The following EPG5 variants were observed in gnomAD, a reference collection of about 807,000 sequenced individuals.
The protein encoded by EPG5 is ectopic P-granules 5 autophagy tethering factor.
EPG5 carries 159 observed loss-of-function variants against 302.7 expected under a neutral mutation model. That is an observed-to-expected ratio of 0.53 (90% CI 0.46 to 0.60). The LOEUF (loss-of-function observed/expected upper bound fraction) is 0.60. Ranked by LOEUF, EPG5 falls within the 20% of genes least tolerant of loss-of-function variation. EPG5 has a pLI of 0.00. For synonymous variants in EPG5, 1,158 were observed against 1,136.8 expected, an observed-to-expected ratio of 1.02 and a Z score of -0.37; for missense variants, 2,896 against 3,092.4, an observed-to-expected ratio of 0.94 and a Z score of 1.51.
rs140981196 is a variant in EPG5, at chr18:45,913,979, C to T, written c.3694-151G>A. 868 of 841,050 alleles carry T rather than the reference C, an allele frequency of 1.0e-3. 1 individual carries two copies. The African/African-American group carries it at 0.013, about 12-fold the overall frequency. 52.1% of individuals were successfully genotyped at this position (841,050 alleles called of 1,614,324 possible). A position where few individuals can be genotyped will look rare whatever the true frequency, so the allele number is the denominator to read the frequency against. On this transcript the variant is annotated intron_variant, in intron 20 of 43. Transcript: ENST00000282041. ...TAAAATTAACACCTTTTTATACCTACCTATATCCTTGTCGCAGATATAAAT... is the reference window on the plus strand; with the variant it reads ...TAAAATTAACACCTTTTTATACCTATCTATATCCTTGTCGCAGATATAAAT...
chr18:45,806,864 T>G, the EPG5 span, among the ~76,000 whole-genome samples: 1 of 152,148 alleles, frequency 6.6e-6, no homozygotes, highest in East Asian at 1.9e-4. Context: ...AGAACTCTCC[T>G]GGTCAGAACT....
the EPG5 span, among the ~76,000 whole-genome samples, chr18:45,827,896 A>T: frequency 1.3e-5 from 2 of 152,212 alleles, no homozygotes; most frequent in African/African-American, 4.8e-5. Flanking sequence ...ATGTTCAAAA[A>T]CAAACGCCAA....
chr18:45,955,482 G>C (rs1210746209), intron 1 of EPG5, 144 bp from the exon 2 acceptor site: 5 of 601,560 alleles, frequency 8.3e-6, no homozygotes, highest in Non-Finnish European at 1.4e-5. Context: ...TTTTTGAACA[G>C]ATATGAACAA....
chr18:45,910,366 C>T (rs556157673), intron 23 of EPG5, among the ~76,000 whole-genome samples, 155 bp downstream of exon 23: 250 of 152,330 alleles, frequency 1.6e-3, no homozygotes, highest in African/African-American at 5.7e-3. Context: ...AAAAGAGAAA[C>T]ATTTCAAGAT....
At chr18:45,860,072 A>T in intron 40 of EPG5, 32 bp downstream of exon 40, 1 of 1,612,998 alleles carries the variant, frequency 6.2e-7, no homozygotes, top group Non-Finnish European at 8.5e-7. Context: ...GAAAAGACCA[A>T]TACAATGGAG....
rs142428797 is a variant in EPG5, at chr18:45,948,396, A to G, written c.1571+107T>C. ...TGCAATGTTAAATTCTAGAATGCCAACACTTCCCTTAGCTGTTCTTCTTTG... is the reference window on the plus strand; with the variant it reads ...TGCAATGTTAAATTCTAGAATGCCAGCACTTCCCTTAGCTGTTCTTCTTTG... On this transcript the variant is annotated intron_variant, in intron 6 of 43. Coordinates refer to ENST00000282041, the MANE Select transcript of EPG5 (RefSeq NM_020964.3). 1.3e-3 allele frequency: 1,166 copies of G among 870,972 alleles called. 9 individuals are homozygous for G. In the African/African-American group the frequency reaches 0.017, roughly 13 times the overall value. 54.0% of individuals were successfully genotyped at this position (870,972 alleles called of 1,614,324 possible). A position where few individuals can be genotyped will look rare whatever the true frequency, so the allele number is the denominator to read the frequency against.
At chr18:45,935,703 CAT>C (rs1433932607) in intron 10 of EPG5, among the ~76,000 whole-genome samples, 2 of 152,182 alleles carry the variant, frequency 1.3e-5, no homozygotes, top group Non-Finnish European at 2.9e-5. Flanking sequence ...CCCACAGACA[CAT>C]GTGCAGTGGG....
chr18:45,966,279 G>A (rs973223833), intron 1 of EPG5, among the ~76,000 whole-genome samples: 5 of 151,682 alleles, frequency 3.3e-5, no homozygotes, highest in Non-Finnish European at 7.4e-5. Context: ...GGGAGGCTGA[G>A]GCAGGAGAAT....
intron 9 of EPG5, 132 bp downstream of exon 9, chr18:45,943,028 GA>G (rs1239516774): frequency 1.2e-6 from 1 of 858,798 alleles, no homozygotes; most frequent in Non-Finnish European, 1.7e-6. Context: ...AGATGGTGAA[GA>G]AAAAAATCTT....
chr18:45,858,180 G>C, intron 41 of EPG5, 112 bp from the exon 42 acceptor site: 1 of 796,612 alleles, frequency 1.3e-6, no homozygotes, highest in South Asian at 1.7e-5. Context: ...TACTTCAAAA[G>C]CACAGGCTAA....
intron 15 of EPG5, 129 bp downstream of exon 15, chr18:45,923,139 T>C: frequency 1.0e-6 from 1 of 992,284 alleles, no homozygotes; most frequent in Non-Finnish European, 1.5e-6. Flanking sequence ...AAGTCAATTA[T>C]AACATCTTAA....
intron 18 of EPG5, 71 bp from the exon 19 acceptor site, chr18:45,916,277 G>T (rs2050030554): frequency 6.5e-7 from 1 of 1,532,556 alleles, no homozygotes; most frequent in African/African-American, 1.4e-5. Flanking sequence ...GCAACAAAAT[G>T]CTATCTACCT....
At chr18:45,938,399 T>C (rs1294126032) in intron 10 of EPG5, among the ~76,000 whole-genome samples, 1 of 151,196 alleles carries the variant, frequency 6.6e-6, no homozygotes, top group Non-Finnish European at 1.5e-5. Flanking sequence ...GACACAGAGG[T>C]TGCAGTGAGC....
rs756064897 is a variant in EPG5, at chr18:45,915,513, G to C, written c.3691C>G (p.Gln1231Glu). ...GATCCTCTCAGTGAGTTTCCTACCT[G>C]AGTGGGCGTGGCCAAGCCCTCCACA... Reference protein sequence around the residue: ...SFVEGLATPTQVWFAWTVLNM... With the variant: ...SFVEGLATPTEVWFAWTVLNM... The change falls in exon 20 of 44, where the codon CAG becomes GAG. Residue 1231 changes from glutamine to glutamate, a missense_variant and splice_region_variant. Gln to Glu is a conservative substitution (Grantham distance 29, BLOSUM62 2). Coordinates refer to ENST00000282041, the MANE Select transcript of EPG5 (RefSeq NM_020964.3). The C allele has an allele frequency of 1.9e-6, 3 of 1,608,826 alleles. No homozygotes were observed. The South Asian group carries it at 3.3e-5, about 18-fold the overall frequency.
chr18:45,837,497 C>A, the EPG5 span: 26 of 1,468,794 alleles, frequency 1.8e-5, no homozygotes, highest in African/African-American at 2.3e-4. Context: ...CCTGACGCAG[C>A]CCGCCCCGCC....
At chr18:45,879,300 G>T in intron 32 of EPG5, 86 bp from the exon 33 acceptor site, 1 of 904,636 alleles carries the variant, frequency 1.1e-6, no homozygotes. Context: ...GGTGTATATA[G>T]TAGGTCTTTG....
intron 1 of EPG5, among the ~76,000 whole-genome samples, chr18:45,964,068 T>G (rs1184431377): frequency 6.6e-6 from 1 of 152,028 alleles, no homozygotes; most frequent in Non-Finnish European, 1.5e-5. Context: ...TCATAAACTT[T>G]AACAAAAAAA....
chr18:45,896,145 A>G (rs8085679), intron 27 of EPG5, among the ~76,000 whole-genome samples: 126,417 of 152,274 alleles, frequency 0.83, 52,744 homozygotes, highest in African/African-American at 0.9. Context: ...AACTAGCAAC[A>G]ACAGTACTAT....
Position 45,867,671 on chromosome 18 carries a change from G to A in EPG5, c.6303C>T (p.Leu2101=). The change falls in exon 37 of 44, where the codon CTC becomes CTT. Residue 2101 remains leucine, a synonymous_variant. Coordinates refer to ENST00000282041, the MANE Select transcript of EPG5 (RefSeq NM_020964.3). ...GGGGACTGGAATTCCAGGCATCAGA[G>A]AGCACACTAACCCAGTTGACTTCAC... ...VLCEVNWVSV[L]SDAWNSSPHP... is the part of the protein sequence containing the mutation. 1 of 1,614,106 alleles carries A rather than the reference G, an allele frequency of 6.2e-7. No individual in the cohort carries two copies. Among genetic ancestry groups the A allele is most frequent in the Non-Finnish European group, 8.5e-7 (1 of 1,179,990 alleles).
Sources: allele counts gnomAD v4.1 joint callset (sites outside exome capture counted in the v4.1 genomes callset), GRCh38; gene constraint gnomAD v4.1.1; transcripts MANE v1.5; gene names NCBI Gene and HGNC (gene_info 2026-07-23, HGNC 2026-07-21).